LRRC4C: variants seen among roughly 807,000 people sequenced by gnomAD.
LRRC4C encodes leucine-rich repeat-containing protein 4C.
Under a neutral mutation model 33.6 loss-of-function variants are expected in LRRC4C, and 5 were observed. The ratio of observed to expected loss-of-function variants is 0.15; its 90% CI spans 0.08 to 0.31. The LOEUF is 0.31. Ranked by LOEUF, LRRC4C falls within the 10% of genes least tolerant of loss-of-function variation. The pLI is 1.00. For missense variants in LRRC4C, 560 were observed against 796.7 expected (o/e 0.70, Z 3.58); for synonymous variants, 329 against 302.0 (o/e 1.09, Z -0.93).
At chr11:41,244,211 AAG>A (rs5791427) in intron 1 of LRRC4C, among the ~76,000 whole-genome samples, 1 of 151,916 alleles carries the variant, frequency 6.6e-6, no homozygotes, top group African/African-American at 2.4e-5. Flanking sequence ...AAAAGAAAGA[AAG>A]AGAGAGAGAA....
intron 2 of LRRC4C, among the ~76,000 whole-genome samples, chr11:40,684,539 C>T (rs1157723533): frequency 6.6e-6 from 1 of 151,588 alleles, no homozygotes; most frequent in Non-Finnish European, 1.5e-5. Flanking sequence ...TGGGGATATG[C>T]AAAAATCTTG....
intron 3 of LRRC4C, among the ~76,000 whole-genome samples, chr11:40,351,319 CAT>C (rs1485283298): frequency 3.3e-5 from 5 of 151,332 alleles, no homozygotes; most frequent in African/African-American, 9.7e-5. Flanking sequence ...TGTGGCCAAA[CAT>C]GTGTTCTATC....
intron 2 of LRRC4C, among the ~76,000 whole-genome samples, chr11:40,912,754 A>G (rs1956760583): frequency 6.6e-6 from 1 of 152,268 alleles, no homozygotes; most frequent in South Asian, 2.1e-4. Context: ...AGACTGGCAA[A>G]TTGGATAAAG....
intron 1 of LRRC4C, among the ~76,000 whole-genome samples, chr11:40,934,446 G>T (rs1384924320): frequency 4.6e-5 from 7 of 152,074 alleles, no homozygotes; most frequent in Admixed American, 1.3e-4. Flanking sequence ...ATGACCACCT[G>T]CCTTATTCAA....
At chr11:40,495,293 C>A (rs12277522) in intron 3 of LRRC4C, among the ~76,000 whole-genome samples, 26 of 152,006 alleles carry the variant, frequency 1.7e-4, no homozygotes, top group African/African-American at 5.6e-4. Context: ...ACCTCTCCGC[C>A]CCCCCCGCCA....
intron 1 of LRRC4C, among the ~76,000 whole-genome samples, chr11:41,334,526 A>G (rs1437606158): frequency 6.6e-6 from 1 of 152,058 alleles, no homozygotes; most frequent in African/African-American, 2.4e-5. Context: ...GGCAATTATA[A>G]CACTAAGATT....
chr11:40,512,692 G>A (rs144931237), intron 3 of LRRC4C, among the ~76,000 whole-genome samples: 11 of 152,248 alleles, frequency 7.2e-5, no homozygotes, highest in East Asian at 3.9e-4. Context: ...AGTGAAAGCC[G>A]CTGAGCCACC....
chr11:41,322,147 G>C (rs1243706340), intron 1 of LRRC4C, among the ~76,000 whole-genome samples: 2 of 151,944 alleles, frequency 1.3e-5, no homozygotes, highest in Non-Finnish European at 2.9e-5. Flanking sequence ...TTATAGGTGT[G>C]AGCCACCGTG....
At chr11:41,286,077 C>T (rs1181924646) in intron 1 of LRRC4C, among the ~76,000 whole-genome samples, 2 of 152,124 alleles carry the variant, frequency 1.3e-5, no homozygotes, top group Non-Finnish European at 2.9e-5. Flanking sequence ...GATTCACCCA[C>T]CTAGGCCTCC....
At chr11:40,956,788 C>T (rs1238013090) in intron 1 of LRRC4C, among the ~76,000 whole-genome samples, 1 of 151,602 alleles carries the variant, frequency 6.6e-6, no homozygotes, top group African/African-American at 2.4e-5. Flanking sequence ...TCTTTAGCCC[C>T]CCTCCCATTC....
intron 2 of LRRC4C, among the ~76,000 whole-genome samples, chr11:40,808,704 C>T (rs1385097104): frequency 1.3e-5 from 2 of 152,198 alleles, no homozygotes; most frequent in South Asian, 2.1e-4. Flanking sequence ...ATTTCTGATC[C>T]TTTCACTTTT....
At chr11:40,465,769 T>TA (rs1256663752) in intron 3 of LRRC4C, among the ~76,000 whole-genome samples, 5 of 151,838 alleles carry the variant, frequency 3.3e-5, no homozygotes, top group African/African-American at 1.2e-4. Context: ...TGTCTATTAC[T>TA]AAAAAATAAC....
intron 1 of LRRC4C, among the ~76,000 whole-genome samples, chr11:41,152,115 T>C (rs1027464933): frequency 2.0e-5 from 3 of 152,186 alleles, no homozygotes; most frequent in African/African-American, 7.2e-5. Context: ...TATATAACCA[T>C]TATATTCACT....
intron 1 of LRRC4C, among the ~76,000 whole-genome samples, chr11:41,192,067 C>A (rs547946027): frequency 1.2e-4 from 18 of 152,228 alleles, no homozygotes; most frequent in African/African-American, 4.3e-4. Context: ...CAGCACATCA[C>A]TCACTTCATT....
intron 1 of LRRC4C, among the ~76,000 whole-genome samples, chr11:41,265,282 A>G (rs1182704751): frequency 6.6e-6 from 1 of 152,102 alleles, no homozygotes; most frequent in Non-Finnish European, 1.5e-5. Flanking sequence ...AGGTGAACAA[A>G]CCAATGATCA....
intron 4 of LRRC4C, among the ~76,000 whole-genome samples, chr11:40,294,852 TA>T (rs1158084577): frequency 6.7e-5 from 10 of 148,848 alleles, no homozygotes; most frequent in East Asian, 5.9e-4. Flanking sequence ...AATAAATAAA[TA>T]AAAAAAAAGA....
chr11:40,250,696 G>A (rs1012403424), intron 4 of LRRC4C, among the ~76,000 whole-genome samples: 4 of 151,960 alleles, frequency 2.6e-5, no homozygotes, highest in Admixed American at 6.6e-5. Flanking sequence ...CCGAGATTGC[G>A]CCACTGTACT....
chr11:41,182,728 A>G (rs1234741180), intron 1 of LRRC4C, among the ~76,000 whole-genome samples: 1 of 152,084 alleles, frequency 6.6e-6, no homozygotes, highest in African/African-American at 2.4e-5. Context: ...GAACTGTTCA[A>G]TTATCTAATA....
Position 40,481,735 on chromosome 11 carries a change from G to C in LRRC4C, c.-269-162014C>G, listed in dbSNP as rs1232224427. On this transcript the variant is annotated intron_variant, in intron 3 of 6. Coordinates refer to ENST00000528697, the MANE Select transcript of LRRC4C (RefSeq NM_001258419.2). ...TACTTTTTACAATTTTCTTTGTTAT[G>C]TTCTTTTATTTTTGGTAGGTGTTTG... 5.3e-5 allele frequency among the ~76,000 whole-genome samples: 8 copies of C among 152,038 alleles called. No individual in the cohort carries two copies. The South Asian group carries it at 1.7e-3, about 32-fold the overall frequency.
Sources: allele counts gnomAD v4.1 joint callset (sites outside exome capture counted in the v4.1 genomes callset), GRCh38; gene constraint gnomAD v4.1.1; transcripts MANE v1.5; gene names NCBI Gene and HGNC (gene_info 2026-07-23, HGNC 2026-07-21).